Variants in ATG2B observed in about 807,000 individuals in gnomAD.
The protein encoded by ATG2B is autophagy related 2B.
In ATG2B, 121 loss-of-function variants were observed where a neutral mutation model predicts 241.3. That is an observed-to-expected ratio of 0.50 (90% confidence interval 0.43 to 0.58). The LOEUF is 0.58. Ranked by LOEUF, ATG2B falls within the 20% of genes least tolerant of loss-of-function variation. The pLI is 0.00. For synonymous variants in ATG2B, 858 were observed against 876.6 expected (o/e 0.98, Z 0.37); for missense variants, 2,306 against 2,491.6 (o/e 0.93, Z 1.59).
At chr14:96,297,103 T>C (rs895558608) in intron 34 of ATG2B, among the ~76,000 whole-genome samples, 11 of 152,188 alleles carry the variant, frequency 7.2e-5, no homozygotes, top group African/African-American at 1.9e-4. Context: ...ATGTATTTTA[T>C]GTATTATTTC....
intron 28 of ATG2B, among the ~76,000 whole-genome samples, chr14:96,309,908 A>C (rs1004506248): frequency 6.6e-6 from 1 of 152,168 alleles, no homozygotes; most frequent in Admixed American, 6.5e-5. Context: ...GGGATAACTA[A>C]ATAAGTTTGA....
At chr14:96,307,782 G>C (rs1454840308) in intron 29 of ATG2B, among the ~76,000 whole-genome samples, 1 of 151,982 alleles carries the variant, frequency 6.6e-6, no homozygotes, top group Non-Finnish European at 1.5e-5. Context: ...CTGGGGCCTG[G>C]GATACCCAAA....
At chr14:96,286,046 C>T in intron 41 of ATG2B, 61 bp from the exon 42 acceptor site, 1 of 1,375,072 alleles carries the variant, frequency 7.3e-7, no homozygotes, top group Non-Finnish European at 1.0e-6. Context: ...TCGGAAAACT[C>T]TCTAAGCTAT....
At chr14:96,315,282 A>G (rs556443571) in intron 22 of ATG2B, 48 bp from the exon 23 acceptor site, 52 of 1,587,354 alleles carry the variant, frequency 3.3e-5, no homozygotes, top group Admixed American at 1.2e-4. Flanking sequence ...ATGTAATCCT[A>G]TAACTCAAAA....
chr14:96,315,601 G>C lies in ATG2B; in HGVS notation c.3362-18C>G. 6.3e-7 allele frequency: 1 copy of C among 1,583,164 alleles called. No homozygotes were observed. Among genetic ancestry groups the C allele is most frequent in the Non-Finnish European group, 8.6e-7 (1 of 1,156,374 alleles). On this transcript the variant is annotated intron_variant, in intron 21 of 41. Transcript: ENST00000359933. ...CACTATGCCTAGAGATCCACATTGA[G>C]GTAAAAATAGTAACAAAATGATTAC...
chr14:96,356,484 T>G (rs1362373506), intron 1 of ATG2B, among the ~76,000 whole-genome samples: 8 of 152,178 alleles, frequency 5.3e-5, no homozygotes, highest in African/African-American at 1.9e-4. Flanking sequence ...ATAATTTTTT[T>G]TAACGTAGTA....
In ATG2B at chr14:96,311,586, C is replaced by T; in HGVS notation, c.3946G>A (p.Glu1316Lys). The T allele has an allele frequency of 6.2e-7, 1 of 1,609,680 alleles. No individual in the cohort carries two copies. The highest frequency in any genetic ancestry group is 8.5e-7 in the Non-Finnish European group (1 of 1,177,234). Residue 1316 changes from glutamate (E) to lysine (K), a missense_variant, in exon 27 of 42, where the codon GAG becomes AAG. Physicochemically the swap from Glu to Lys is moderately conservative, Grantham distance 56. Transcript: ENST00000359933. Reference protein sequence around the residue: ...YVRVMDMGLLELTITAVKSDS... With the variant: ...YVRVMDMGLLKLTITAVKSDS... Reference sequence around the variant, plus strand: ...GACTTCACTGCAGTTATGGTTAACTCCAAAAGCCCCATATCCATCACACGA... The same window carrying T: ...GACTTCACTGCAGTTATGGTTAACTTCAAAAGCCCCATATCCATCACACGA...
At position 96,341,546 on chromosome 14, in the gene ATG2B, C is replaced by T; in HGVS notation, c.900G>A (p.Gln300=). 1 of 1,595,432 alleles carries T rather than the reference C, an allele frequency of 6.3e-7. No homozygotes were observed. Among genetic ancestry groups the T allele is most frequent in the Non-Finnish European group, 8.5e-7 (1 of 1,170,296 alleles). The change falls in exon 6 of 42, where the codon CAG becomes CAA. Residue 300 remains glutamine (Q), a synonymous_variant. Transcript: ENST00000359933. The part of the protein sequence containing the change: ...GRLELSLTLK[Q]NEVLPGAKLD... ...CCTTAGCTCCAGGAAGCACTTCATT[C>T]TGTTTCAACGTGAGACTCAACTCCA...
intron 16 of ATG2B, 99 bp downstream of exon 16, chr14:96,323,797 A>C (rs967088954): frequency 1.3e-6 from 1 of 790,368 alleles, no homozygotes; most frequent in Non-Finnish European, 2.1e-6. Context: ...TCAAGGATGG[A>C]CATGTTTAGC....
rs1886930980 is a variant in ATG2B, at chr14:96,305,823, A to T, written c.4507-8T>A. ...TGGTTCTTCTTCCTTCTCCTAAAAT[A>T]AACAAACAGGTAACACATACTCTCT... On this transcript the variant is annotated splice_polypyrimidine_tract_variant and splice_region_variant and intron_variant, in intron 30 of 41. Coordinates refer to ENST00000359933, the MANE Select transcript of ATG2B (RefSeq NM_018036.7). 12 of 1,606,304 alleles carry T rather than the reference A, an allele frequency of 7.5e-6. No individual in the cohort carries two copies. The highest frequency in any genetic ancestry group is 1.0e-5 in the Non-Finnish European group (12 of 1,173,106).
rs1161405975 is a variant in ATG2B, at chr14:96,284,017, A to G, written c.*1738T>C. ...ACTTAAGTACAACTGTGGAAAGTAT[A>G]TTTAAAAGTTAGACAGATTTTACAA... is the stretch of plus-strand genomic sequence containing the variant. On this transcript the variant is annotated 3_prime_UTR_variant, in exon 42 of 42. Transcript: ENST00000359933. The G allele has an allele frequency of 6.6e-6, 1 of 152,270 alleles. No homozygotes were observed. The highest frequency in any genetic ancestry group is 1.5e-5 in the Non-Finnish European group (1 of 68,050). The allele number at this position is 152,270 out of a possible 1,614,324, so 9.4% of individuals were successfully genotyped here.
In ATG2B at chr14:96,341,616, ATC is replaced by A. The variant is rs780884254; in HGVS notation, c.828_829del (p.Glu276AspfsTer5). ...AATCTGCACTGGGTCAGAAGGTGCT[ATC>A]TCTGGTAAATTTCTAGTTAGCTGTG... On this transcript the variant is annotated frameshift_variant, in exon 6 of 42. Coordinates refer to ENST00000359933, the MANE Select transcript of ATG2B (RefSeq NM_018036.7). LOFTEE classifies it high-confidence loss of function. 1.2e-6 allele frequency: 2 copies of A among 1,604,266 alleles called. No homozygotes were observed. The highest frequency in any genetic ancestry group is 3.4e-5 in the Admixed American group (2 of 59,328).
At chr14:96,355,901 G>A (rs1888459816) in intron 1 of ATG2B, among the ~76,000 whole-genome samples, 1 of 152,144 alleles carries the variant, frequency 6.6e-6, no homozygotes, top group Admixed American at 6.5e-5. Context: ...GCTGAGGGCG[G>A]TGGCTCACAC....
At position 96,306,855 on chromosome 14, in the gene ATG2B, A is replaced by G. The variant is rs1283908506; in HGVS notation, c.4365T>C (p.Pro1455=). The change falls in exon 30 of 42, where the codon CCT becomes CCC. Residue 1455 remains proline, a synonymous_variant. Transcript: ENST00000359933. ...EPCCSDLFLF[P]DESGNVSQES... Reference sequence around the variant, plus strand: ...CCTGGGATACATTCCCACTCTCGTCAGGAAACAGGAAGAGGTCTGAACAAC... The same window carrying G: ...CCTGGGATACATTCCCACTCTCGTCGGGAAACAGGAAGAGGTCTGAACAAC... 6.2e-7 allele frequency: 1 copy of G among 1,614,190 alleles called. No homozygotes were observed. The highest frequency in any genetic ancestry group is 1.6e-4 in the Middle Eastern group (1 of 6,062).
intron 41 of ATG2B, among the ~76,000 whole-genome samples, chr14:96,288,592 G>A (rs535373642): frequency 6.6e-5 from 10 of 151,822 alleles, no homozygotes; most frequent in African/African-American, 2.2e-4. Context: ...CCCTACCTTC[G>A]TGGACTTCCT....
chr14:96,338,630 A>T (rs1184419630), intron 6 of ATG2B, among the ~76,000 whole-genome samples: 1 of 152,208 alleles, frequency 6.6e-6, no homozygotes. Flanking sequence ...ACCCTATACA[A>T]GAATCAACTC....
At chr14:96,288,605 C>T (rs1034624171) in intron 41 of ATG2B, among the ~76,000 whole-genome samples, 3 of 151,894 alleles carry the variant, frequency 2.0e-5, no homozygotes, top group African/African-American at 2.4e-5. Context: ...GACTTCCTGC[C>T]GTTTGGGACC....
rs1887205662 is a variant in ATG2B, at chr14:96,313,091, T to C, written c.3816A>G (p.Ala1272=). The C allele has an allele frequency of 1.2e-6, 2 of 1,613,088 alleles. No individual in the cohort carries two copies. Among genetic ancestry groups the C allele is most frequent in the South Asian group, 1.1e-5 (1 of 91,058 alleles). The stretch of plus-strand genomic sequence containing the variant: ...TGAGAGTAGAGGAAGATTTATCCAA[T>C]GCAACGCTACTGGAAACACTGAATG... ...VETFSVSSSV[A]LDKSSSTLRI... The change falls in exon 25 of 42, where the codon GCA becomes GCG. Residue 1272 remains alanine (A), a synonymous_variant. Transcript: ENST00000359933.
intron 6 of ATG2B, among the ~76,000 whole-genome samples, chr14:96,341,290 A>G (rs1888027552): frequency 6.6e-6 from 1 of 152,210 alleles, no homozygotes; most frequent in Non-Finnish European, 1.5e-5. Context: ...GTGAGTGTAG[A>G]AGGCAACTCT....
Sources: allele counts gnomAD v4.1 joint callset (sites outside exome capture counted in the v4.1 genomes callset), GRCh38; gene constraint gnomAD v4.1.1; transcripts MANE v1.5; gene names NCBI Gene and HGNC (gene_info 2026-07-23, HGNC 2026-07-21).